DCDC1: variants seen among roughly 807,000 people sequenced by gnomAD.
DCDC1 encodes doublecortin domain containing 1.
Under a neutral mutation model 178.3 loss-of-function variants are expected in DCDC1, and 200 were observed. The ratio of observed to expected loss-of-function variants is 1.12; its 90% CI spans 1.00 to 1.26. The LOEUF (loss-of-function observed/expected upper bound fraction) is 1.26. Among genes scored for constraint, DCDC1 ranks in the 50% most tolerant of loss-of-function variants. DCDC1 has a pLI of 0.00. For synonymous variants in DCDC1, 690 were observed against 604.8 expected, an observed-to-expected ratio of 1.14 and a Z score of -2.07; for missense variants, 1,983 against 1,749.2, an observed-to-expected ratio of 1.13 and a Z score of -2.38.
Position 31,262,899 on chromosome 11 carries a change from G to C in DCDC1, c.1054+2608C>G, listed in dbSNP as rs1039406118. 7 of 620,654 alleles carry C rather than the reference G, an allele frequency of 1.1e-5. No homozygotes were observed. In the African/African-American group the frequency reaches 1.3e-4, roughly 11 times the overall value. 38.4% of individuals were successfully genotyped at this position (620,654 alleles called of 1,614,324 possible). A position where few individuals can be genotyped will look rare whatever the true frequency, so the allele number is the denominator to read the frequency against. On this transcript the variant is annotated intron_variant, in intron 8 of 38. Transcript: ENST00000684477. Reference sequence around the variant, plus strand: ...GAACTTGTAATGCTTCCACATGTTAGTGGTTGCACAGGCTAATTTCAGCTG... The same window carrying C: ...GAACTTGTAATGCTTCCACATGTTACTGGTTGCACAGGCTAATTTCAGCTG...
intron 11 of DCDC1, among the ~76,000 whole-genome samples, chr11:31,126,978 T>A (rs187810008): frequency 6.6e-6 from 1 of 152,166 alleles, no homozygotes; most frequent in African/African-American, 2.4e-5. Flanking sequence ...AGTATTGATT[T>A]TACCAAGTGA....
intron 20 of DCDC1, among the ~76,000 whole-genome samples, chr11:30,985,046 C>A (rs745710483): frequency 2.0e-5 from 3 of 152,176 alleles, no homozygotes; most frequent in African/African-American, 7.2e-5. Context: ...CTGAACAATT[C>A]TTTCCTTGTG....
At chr11:31,034,510 C>G (rs985779448) in intron 20 of DCDC1, among the ~76,000 whole-genome samples, 4 of 152,090 alleles carry the variant, frequency 2.6e-5, no homozygotes. Context: ...TTTTTCTTAT[C>G]TTTTATGCCA....
chr11:31,323,865 G>A (rs552717557), intron 3 of DCDC1, among the ~76,000 whole-genome samples: 8 of 152,108 alleles, frequency 5.3e-5, no homozygotes, highest in African/African-American at 1.7e-4. Context: ...ACTTCATCCT[G>A]CCCTTTCTCC....
chr11:31,295,020 A>T (rs1000128776), intron 6 of DCDC1, among the ~76,000 whole-genome samples: 40 of 152,222 alleles, frequency 2.6e-4, no homozygotes, highest in Admixed American at 1.0e-3. Context: ...AAGAAAGTAC[A>T]GTTGTCCCTG....
chr11:31,096,233 T>G (rs972892063), intron 15 of DCDC1, among the ~76,000 whole-genome samples: 1 of 152,236 alleles, frequency 6.6e-6, no homozygotes, highest in Non-Finnish European at 1.5e-5. Flanking sequence ...ATTTGACTTA[T>G]AGTGCTTACA....
chr11:31,265,019 A>C (rs1166520875), intron 8 of DCDC1, among the ~76,000 whole-genome samples: 1 of 152,166 alleles, frequency 6.6e-6, no homozygotes, highest in East Asian at 1.9e-4. Flanking sequence ...CTGCTGATAT[A>C]CACACTTAGT....
At chr11:31,103,490 A>G (rs990010372) in intron 14 of DCDC1, among the ~76,000 whole-genome samples, 154 bp downstream of exon 14, 1 of 152,190 alleles carries the variant, frequency 6.6e-6, no homozygotes, top group Non-Finnish European at 1.5e-5. Context: ...ACCTCATTAT[A>G]CCATTAAATA....
At chr11:31,341,426 G>GATAGTTAC (rs1950540156) in intron 1 of DCDC1, among the ~76,000 whole-genome samples, 1 of 151,222 alleles carries the variant, frequency 6.6e-6, no homozygotes, top group South Asian at 2.1e-4. Context: ...TAGATAGATA[G>GATAGTTAC]ATAGATAGAT....
At chr11:30,873,344 C>T (rs413172) in intron 38 of DCDC1, among the ~76,000 whole-genome samples, 59,851 of 132,934 alleles carry the variant, frequency 0.45, 13,350 homozygotes, top group Middle Eastern at 0.55. Flanking sequence ...TGTGTATATA[C>T]ATATATATAT....
chr11:31,095,133 T>C (rs1017408693), intron 15 of DCDC1, among the ~76,000 whole-genome samples: 3 of 152,086 alleles, frequency 2.0e-5, no homozygotes, highest in African/African-American at 4.8e-5. Flanking sequence ...TTTTTTATGG[T>C]TGCATAGTAT....
At chr11:31,004,318 A>G (rs541585887) in intron 20 of DCDC1, among the ~76,000 whole-genome samples, 1 of 152,230 alleles carries the variant, frequency 6.6e-6, no homozygotes, top group East Asian at 1.9e-4. Context: ...CTCCATTACA[A>G]GAAACTAATC....
intron 18 of DCDC1, among the ~76,000 whole-genome samples, chr11:31,067,843 T>C (rs892155473): frequency 6.6e-6 from 1 of 152,030 alleles, no homozygotes; most frequent in African/African-American, 2.4e-5. Context: ...AATGGGCAAA[T>C]CTATAAAGGC....
intron 7 of DCDC1, among the ~76,000 whole-genome samples, chr11:31,275,198 T>C (rs1487944518): frequency 1.3e-5 from 2 of 152,224 alleles, no homozygotes; most frequent in South Asian, 2.1e-4. Flanking sequence ...TTGATCAAGA[T>C]TCTGATAAGC....
At chr11:31,220,676 T>A (rs919569591) in intron 9 of DCDC1, among the ~76,000 whole-genome samples, 15 of 152,240 alleles carry the variant, frequency 9.9e-5, no homozygotes, top group African/African-American at 3.6e-4. Context: ...ACAATTGATG[T>A]TAAAAACCAA....
chr11:31,213,305 T>C (rs1054781589), intron 9 of DCDC1, among the ~76,000 whole-genome samples: 2 of 151,716 alleles, frequency 1.3e-5, no homozygotes, highest in African/African-American at 2.4e-5. Context: ...AATTTAGCCT[T>C]ATCATTGGTA....
intron 20 of DCDC1, among the ~76,000 whole-genome samples, chr11:30,984,510 A>G (rs2134839227): frequency 6.6e-6 from 1 of 152,300 alleles, no homozygotes; most frequent in South Asian, 2.1e-4. Context: ...GTCTAATCTG[A>G]TCTCAGGGTG....
chr11:31,183,537 C>T (rs1969105219), intron 9 of DCDC1, among the ~76,000 whole-genome samples: 1 of 152,176 alleles, frequency 6.6e-6, no homozygotes, highest in Admixed American at 6.5e-5. Context: ...TAGAAAACCC[C>T]ATTGTTTCAG....
intron 20 of DCDC1, among the ~76,000 whole-genome samples, chr11:30,977,444 T>C (rs1388485993): frequency 6.6e-6 from 1 of 152,210 alleles, no homozygotes; most frequent in Admixed American, 6.5e-5. Flanking sequence ...ACTTCATAAA[T>C]ATGTACAAAT....
Sources: gnomAD v4.1 joint callset for allele counts (sites outside exome capture counted in the v4.1 genomes callset) on GRCh38, gnomAD v4.1.1 for gene constraint, MANE v1.5 for transcripts, NCBI Gene and HGNC (gene_info 2026-07-23, HGNC 2026-07-21) for gene names.